Variants in SH3TC1 observed in about 807,000 individuals in gnomAD.
SH3TC1 encodes SH3 domain and tetratricopeptide repeat-containing protein 1.
A neutral mutation model predicts 117.3 loss-of-function variants in SH3TC1; 135 were observed. That is an observed-to-expected ratio of 1.15 (90% CI 1.00 to 1.33). The LOEUF is 1.33. Ranked by LOEUF, SH3TC1 falls within the 40% of genes most tolerant of loss-of-function variation. The pLI is 0.00. For synonymous variants in SH3TC1, 898 were observed against 816.9 expected, an observed-to-expected ratio of 1.10 and a Z score of -1.69; for missense variants, 2,092 against 1,794.3, an observed-to-expected ratio of 1.17 and a Z score of -3.00.
chr4:8,226,753 G>A (rs1358616966), intron 11 of SH3TC1, among the ~76,000 whole-genome samples: 1 of 152,212 alleles, frequency 6.6e-6, no homozygotes, highest in Non-Finnish European at 1.5e-5. Context: ...TTGGGCCATG[G>A]GCCTGTGTTT....
At chr4:8,238,324 A>C (rs1020510472) in intron 17 of SH3TC1, among the ~76,000 whole-genome samples, 1 of 152,142 alleles carries the variant, frequency 6.6e-6, no homozygotes, top group Non-Finnish European at 1.5e-5. Flanking sequence ...CTGTCTGGAG[A>C]GGAGGTGCTG....
chr4:8,211,085 C>T (rs1235008972), intron 3 of SH3TC1, among the ~76,000 whole-genome samples: 2 of 114,998 alleles, frequency 1.7e-5, no homozygotes, highest in African/African-American at 6.7e-5. Flanking sequence ...CTGGGTTTCT[C>T]CCCCCTCCCT....
At position 8,183,125 on chromosome 4, in the gene SH3TC1, C is replaced by T. The variant is rs968995010; in HGVS notation, c.-57+915C>T. On this transcript the variant is annotated intron_variant, in intron 1 of 16. Transcript: ENST00000508641. The surrounding 1 kb of genome is among the most constrained non-coding windows in gnomAD (Gnocchi z 5.4). ...AGCCTCAGTTTCTCAGCATGCCATC[C>T]GCCTGGCGACCTTGCCTCCCTCTCC... Among the ~76,000 whole-genome samples, 3 of 152,146 alleles carry T rather than the reference C, an allele frequency of 2.0e-5. No individual in the cohort carries two copies. Among genetic ancestry groups the T allele is most frequent in the East Asian group, 1.9e-4 (1 of 5,190 alleles).
chr4:8,228,741 C>G, intron 12 of SH3TC1, 97 bp downstream of exon 12: 1 of 1,066,022 alleles, frequency 9.4e-7, no homozygotes, highest in Non-Finnish European at 1.3e-6. Context: ...GTTTTTCCAC[C>G]ATCGAAAGTG....
chr4:8,187,766 G>A (rs1035672889), intron 1 of SH3TC1, among the ~76,000 whole-genome samples: 1 of 152,128 alleles, frequency 6.6e-6, no homozygotes, highest in Non-Finnish European at 1.5e-5. Flanking sequence ...TGGCCAGGCT[G>A]CTCTTGAACT....
intron 1 of SH3TC1, among the ~76,000 whole-genome samples, chr4:8,200,760 T>C (rs1389348828): frequency 6.6e-6 from 1 of 152,216 alleles, no homozygotes; most frequent in Non-Finnish European, 1.5e-5. Flanking sequence ...AGAAGGCTAC[T>C]GGGCGGCTCC....
At chr4:8,204,374 A>G (rs1377459610) in intron 1 of SH3TC1, among the ~76,000 whole-genome samples, 4 of 152,104 alleles carry the variant, frequency 2.6e-5, no homozygotes, top group Non-Finnish European at 4.4e-5. Flanking sequence ...AGCAGGGAAA[A>G]TCTTCTCACC....
Position 8,186,063 on chromosome 4 carries a change from C to T in SH3TC1, c.-57+3853C>T, listed in dbSNP as rs1239292330. Among the ~76,000 whole-genome samples the T allele has an allele frequency of 3.3e-5, 5 of 152,172 alleles. No individual in the cohort carries two copies. Among genetic ancestry groups the T allele is most frequent in the Admixed American group, 6.5e-5 (1 of 15,272 alleles). On this transcript the variant is annotated intron_variant, in intron 1 of 16. Transcript: ENST00000508641. This position sits in a 1 kb window ranked among gnomAD's most constrained non-coding sequence, Gnocchi z 5.2. ...TTTACGGTGATAGGCAGGAGCTGTC[C>T]GCGCGGGCCCCTCGCTGTTTTACTG...
chr4:8,236,302 A>C lies in SH3TC1; in HGVS notation c.3430A>C (p.Thr1144Pro), dbSNP rs941258186. The C allele has an allele frequency of 3.9e-6, 6 of 1,555,742 alleles. No homozygotes were observed. In the African/African-American group the frequency reaches 8.2e-5, roughly 21 times the overall value. Residue 1144 changes from threonine (T) to proline (P), a missense_variant, in exon 16 of 18, where the codon ACT becomes CCT. By Grantham distance (38) the Thr-to-Pro change is conservative. Transcript: ENST00000245105. The stretch of plus-strand genomic sequence containing the variant: ...GGACCGGGCCCTGCCCCTGGCAGTG[A>C]CTACGGGCAACCGCAAGGCGGAGCT... ...YRDRALPLAVTTGNRKAELRL... is the reference protein window; with the variant it reads ...YRDRALPLAVPTGNRKAELRL...
intron 5 of SH3TC1, among the ~76,000 whole-genome samples, chr4:8,215,736 C>T (rs914337885): frequency 6.6e-5 from 10 of 152,306 alleles, no homozygotes; most frequent in Middle Eastern, 3.4e-3. Flanking sequence ...GCTCATGATG[C>T]GGGGCGGGGC....
Position 8,233,475 on chromosome 4 carries a change from ATCT to A in SH3TC1, c.3246_3248del (p.Ile1082_Leu1083delinsMet). On this transcript the variant is annotated inframe_deletion, in exon 14 of 18. Transcript: ENST00000245105. ...GCTGCAAGCAGGGAAGATCTATTACATCTTGCGGCAGAGCGAGCTGGTGGACCT... is the reference window on the plus strand; with the variant it reads ...GCTGCAAGCAGGGAAGATCTATTACATGCGGCAGAGCGAGCTGGTGGACCT... 6.2e-7 allele frequency: 1 copy of A among 1,613,508 alleles called. No homozygotes were observed. The highest frequency in any genetic ancestry group is 8.5e-7 in the Non-Finnish European group (1 of 1,179,764).
chr4:8,233,094 C>T (rs1250585013), intron 13 of SH3TC1: 8 of 1,302,178 alleles, frequency 6.1e-6, no homozygotes, highest in African/African-American at 3.0e-5. Context: ...CAGGCCATGT[C>T]TGGGACGCGG....
At chr4:8,198,520 C>T (rs1462181651), upstream of SH3TC1, among the ~76,000 whole-genome samples, 1 of 152,246 alleles carries the variant, frequency 6.6e-6, no homozygotes, top group Non-Finnish European at 1.5e-5. Context: ...AGTTCTGCCT[C>T]TTGTCCCAGC....
chr4:8,238,941 C>T (rs574833357), intron 17 of SH3TC1, among the ~76,000 whole-genome samples: 12 of 152,300 alleles, frequency 7.9e-5, no homozygotes, highest in African/African-American at 2.4e-4. Context: ...GAGGCCCCCT[C>T]GGAATTCCCC....
At chr4:8,207,424 C>T (rs1464252574) in intron 2 of SH3TC1, among the ~76,000 whole-genome samples, 2 of 152,202 alleles carry the variant, frequency 1.3e-5, no homozygotes, top group African/African-American at 4.8e-5. Flanking sequence ...GGGGACAACA[C>T]TCTGAAACTG....
Position 8,205,114 on chromosome 4 carries a change from C to T in SH3TC1, c.-28-53C>T, listed in dbSNP as rs1019632414. The stretch of plus-strand genomic sequence containing the variant: ...GGACCCCAGGCCTGGACACAACCTC[C>T]GTGCTGGTTCTGGAGGGGCCACCTC... On this transcript the variant is annotated intron_variant, in intron 1 of 17. Transcript: ENST00000245105. The surrounding 1 kb of genome is among the most constrained non-coding windows in gnomAD (Gnocchi z 5.4). 99 of 1,396,934 alleles carry T rather than the reference C, an allele frequency of 7.1e-5. No homozygotes were observed. Among genetic ancestry groups the T allele is most frequent in the Non-Finnish European group, 8.8e-5 (93 of 1,056,322 alleles). The allele number at this position is 1,396,934 out of a possible 1,614,324, so 86.5% of individuals were successfully genotyped here.
At chr4:8,202,189 CCGCAGTCCTG>C (rs1408462794) in intron 1 of SH3TC1, among the ~76,000 whole-genome samples, 1 of 152,178 alleles carries the variant, frequency 6.6e-6, no homozygotes, top group African/African-American at 2.4e-5. Context: ...GGTGCCAGGA[CCGCAGTCCTG>C]CAGAGCAAGG....
At chr4:8,207,390 C>T (rs951306530) in intron 2 of SH3TC1, among the ~76,000 whole-genome samples, 4 of 152,176 alleles carry the variant, frequency 2.6e-5, no homozygotes, top group East Asian at 3.8e-4. Flanking sequence ...ATTTTTCTCC[C>T]CTCTGCAGTT....
At chr4:8,214,342 G>A (rs1415958090) in intron 4 of SH3TC1, 133 bp from the exon 5 acceptor site, 3 of 732,026 alleles carry the variant, frequency 4.1e-6, no homozygotes, top group Admixed American at 2.7e-5. Context: ...GGCTGTGAAG[G>A]AATCTGCCCT....
Sources: gnomAD v4.1 joint callset for allele counts (sites outside exome capture counted in the v4.1 genomes callset) on GRCh38, gnomAD v4.1.1 for gene constraint, Gnocchi (gnomAD v3.1) non-coding constraint, MANE v1.5 for transcripts, NCBI Gene and HGNC (gene_info 2026-07-23, HGNC 2026-07-21) for gene names.